ADK: variants seen among roughly 807,000 people sequenced by gnomAD.
ADK encodes N6,N6-dimethyladenosine kinase.
A neutral mutation model predicts 44.7 loss-of-function variants in ADK; 24 were observed. The observed-to-expected ratio is 0.54, with a 90% CI of 0.39 to 0.76. ADK has a LOEUF of 0.76. ADK is among the 30% of genes least tolerant of loss of function. ADK has a pLI of 0.00. For missense variants in ADK, 321 were observed against 425.1 expected (o/e 0.76, Z 2.15); for synonymous variants, 128 against 142.6 (o/e 0.90, Z 0.73).
chr10:74,403,995 C>A (rs1317639204), intron 6 of ADK, among the ~76,000 whole-genome samples: 1 of 152,162 alleles, frequency 6.6e-6, no homozygotes, highest in East Asian at 1.9e-4. Context: ...GCCTTAGCCT[C>A]CCAAGTAGCT....
intron 4 of ADK, among the ~76,000 whole-genome samples, chr10:74,341,932 A>G (rs1442283590): frequency 1.3e-5 from 2 of 152,180 alleles, no homozygotes; most frequent in African/African-American, 2.4e-5. Context: ...AGCACAAATG[A>G]TATCACTTCT....
At chr10:74,429,674 A>G (rs1193102408) in intron 6 of ADK, among the ~76,000 whole-genome samples, 1 of 152,212 alleles carries the variant, frequency 6.6e-6, no homozygotes, top group Non-Finnish European at 1.5e-5. Flanking sequence ...ATGGTATACC[A>G]TAATCAGTTA....
At chr10:74,379,915 A>G (rs967908663) in intron 4 of ADK, among the ~76,000 whole-genome samples, 2 of 151,970 alleles carry the variant, frequency 1.3e-5, no homozygotes, top group African/African-American at 4.8e-5. Context: ...TTCTAGCTAC[A>G]CAGGAGGCTG....
intron 3 of ADK, among the ~76,000 whole-genome samples, chr10:74,249,799 A>G (rs1343938725): frequency 2.0e-5 from 3 of 152,218 alleles, no homozygotes; most frequent in African/African-American, 4.8e-5. Context: ...GCAAATTACC[A>G]GATCATTCAG....
intron 3 of ADK, among the ~76,000 whole-genome samples, chr10:74,227,990 G>A (rs1908333): frequency 0.74 from 111,831 of 152,018 alleles, 41,826 homozygotes; most frequent in Middle Eastern, 0.85. Context: ...GGACTGGACA[G>A]CAGAGTGAGA....
chr10:74,270,026 T>A (rs1365182317), intron 3 of ADK, among the ~76,000 whole-genome samples: 1 of 152,036 alleles, frequency 6.6e-6, no homozygotes, highest in African/African-American at 2.4e-5. Context: ...ATAAAAGTGA[T>A]AAGAATGTGA....
intron 9 of ADK, among the ~76,000 whole-genome samples, chr10:74,640,242 A>C (rs1473371617): frequency 6.6e-6 from 1 of 152,218 alleles, no homozygotes; most frequent in South Asian, 2.1e-4. Flanking sequence ...TCTCTCTCAG[A>C]TCTAACTCCT....
chr10:74,342,779 TTGTGTGTGTGTGTGTGTG>T (rs757212421), intron 4 of ADK, among the ~76,000 whole-genome samples: 6 of 141,354 alleles, frequency 4.2e-5, no homozygotes, highest in African/African-American at 1.3e-4. Context: ...CTAGCTCAGT[TTGTGTGTGTGTGTGTGTG>T]TGTGTGTGTG....
intron 3 of ADK, among the ~76,000 whole-genome samples, chr10:74,224,984 C>T (rs1420427625): frequency 6.6e-6 from 1 of 152,232 alleles, no homozygotes; most frequent in African/African-American, 2.4e-5. Flanking sequence ...TCCGGTGGAT[C>T]ACCCACCTTC....
chr10:74,605,598 T>C (rs1334575012), intron 9 of ADK, among the ~76,000 whole-genome samples: 1 of 152,206 alleles, frequency 6.6e-6, no homozygotes, highest in African/African-American at 2.4e-5. Flanking sequence ...TGAAGCCGAC[T>C]TGATCATGAT....
At chr10:74,681,815 A>G (rs190152322) in intron 10 of ADK, among the ~76,000 whole-genome samples, 1 of 146,378 alleles carries the variant, frequency 6.8e-6, no homozygotes, top group Admixed American at 7.2e-5. Flanking sequence ...ACGCCACTGC[A>G]CTCCAGCCTG....
At chr10:74,314,808 C>A in intron 4 of ADK, 63 bp downstream of exon 4, 2 of 1,247,730 alleles carry the variant, frequency 1.6e-6, no homozygotes, top group Non-Finnish European at 2.3e-6. Flanking sequence ...GTCTATTTTG[C>A]ATAATTGTTT....
At chr10:74,408,824 T>C (rs1220436309) in intron 6 of ADK, among the ~76,000 whole-genome samples, 1 of 152,182 alleles carries the variant, frequency 6.6e-6, no homozygotes, top group Non-Finnish European at 1.5e-5. Context: ...GTCATCTTCA[T>C]GTTGAGTGGG....
intron 6 of ADK, among the ~76,000 whole-genome samples, chr10:74,459,324 A>G (rs1204346092): frequency 6.6e-6 from 1 of 152,136 alleles, no homozygotes; most frequent in African/African-American, 2.4e-5. Context: ...AAAATGTAAG[A>G]ATATGCAAAA....
At chr10:74,470,086 G>A (rs371467151) in intron 6 of ADK, among the ~76,000 whole-genome samples, 4 of 147,648 alleles carry the variant, frequency 2.7e-5, no homozygotes, top group East Asian at 2.0e-4. Flanking sequence ...ATGCAATGGC[G>A]CAATCTGAGC....
intron 3 of ADK, among the ~76,000 whole-genome samples, chr10:74,225,221 G>T (rs1844489552): frequency 6.6e-6 from 1 of 152,162 alleles, no homozygotes; most frequent in African/African-American, 2.4e-5. Flanking sequence ...GGGATTACAG[G>T]TGCCCGCCAC....
intron 6 of ADK, among the ~76,000 whole-genome samples, 191 bp downstream of exon 6, chr10:74,398,770 T>A (rs1843612288): frequency 6.6e-6 from 1 of 152,122 alleles, no homozygotes; most frequent in Admixed American, 6.5e-5. Context: ...TAACATAATT[T>A]GTATTATTTA....
chr10:74,537,681 G>A (rs1026832636), intron 7 of ADK, among the ~76,000 whole-genome samples: 2 of 152,058 alleles, frequency 1.3e-5, no homozygotes, highest in African/African-American at 4.8e-5. Context: ...TAACCTGCAA[G>A]GATTAAGTAC....
chr10:74,186,129 G>C (rs946668328), intron 1 of ADK, among the ~76,000 whole-genome samples: 1 of 151,948 alleles, frequency 6.6e-6, no homozygotes. Context: ...GATTACAGGC[G>C]TTAGCCACTG....
Sources: gnomAD v4.1 joint callset for allele counts (sites outside exome capture counted in the v4.1 genomes callset) on GRCh38, gnomAD v4.1.1 for gene constraint, MANE v1.5 for transcripts, NCBI Gene and HGNC (gene_info 2026-07-23, HGNC 2026-07-21) for gene names.